SETD2: variants seen among roughly 807,000 people sequenced by gnomAD.
SETD2 encodes the protein SET domain containing 2, histone lysine methyltransferase, also known as histone-lysine N-methyltransferase SETD2.
A neutral mutation model predicts 242.1 loss-of-function variants in SETD2; 31 were observed. That is an observed-to-expected ratio of 0.13 (90% CI 0.10 to 0.17). The LOEUF (loss-of-function observed/expected upper bound fraction) is 0.17. Ranked by LOEUF, SETD2 falls within the 10% of genes least tolerant of loss-of-function variation. SETD2 has a pLI of 1.00. For missense variants in SETD2, 2,481 were observed against 3,046.3 expected, an observed-to-expected ratio of 0.81 and a Z score of 4.37; for synonymous variants, 1,006 against 1,066.5, an observed-to-expected ratio of 0.94 and a Z score of 1.11.
At chr3:47,065,211 T>A (rs2040509778) in intron 13 of SETD2, among the ~76,000 whole-genome samples, 2 of 152,132 alleles carry the variant, frequency 1.3e-5, no homozygotes. Context: ...GAAGAGTTAT[T>A]TGCAGCCCTA....
At chr3:47,135,339 A>C (rs1323731748) in intron 1 of SETD2, among the ~76,000 whole-genome samples, 1 of 152,206 alleles carries the variant, frequency 6.6e-6, no homozygotes, top group African/African-American at 2.4e-5. Flanking sequence ...CAGTGGCACA[A>C]TCTTGGCTCA....
chr3:47,116,100 T>C (rs2042842663), intron 4 of SETD2, among the ~76,000 whole-genome samples: 1 of 152,094 alleles, frequency 6.6e-6, no homozygotes, highest in African/African-American at 2.4e-5. Flanking sequence ...GAGCTCTGAT[T>C]AGGTCTGATT....
intron 16 of SETD2, among the ~76,000 whole-genome samples, chr3:47,043,976 T>C (rs937950668): frequency 6.6e-6 from 1 of 152,174 alleles, no homozygotes; most frequent in African/African-American, 2.4e-5. Context: ...CTTTCTCTTG[T>C]GATCATCATC....
At chr3:47,072,586 C>T (rs2107612579) in intron 12 of SETD2, among the ~76,000 whole-genome samples, 1 of 151,686 alleles carries the variant, frequency 6.6e-6, no homozygotes, top group East Asian at 2.0e-4. Flanking sequence ...TTTGGGAGGC[C>T]AAGGCAGGCA....
At chr3:47,155,778 C>A (rs569029334) in intron 1 of SETD2, among the ~76,000 whole-genome samples, 133 of 152,140 alleles carry the variant, frequency 8.7e-4, no homozygotes, top group Admixed American at 1.4e-3. Context: ...TGCACTCCAG[C>A]CTGGGTGACA....
chr3:47,052,634 TG>T (rs2039895986), intron 15 of SETD2, among the ~76,000 whole-genome samples: 1 of 151,978 alleles, frequency 6.6e-6, no homozygotes, highest in African/African-American at 2.4e-5. Context: ...CTGACCAACA[TG>T]GCGAAACCCT....
chr3:47,150,606 T>C (rs1350659236), intron 1 of SETD2, among the ~76,000 whole-genome samples: 1 of 152,106 alleles, frequency 6.6e-6, no homozygotes, highest in Non-Finnish European at 1.5e-5. Flanking sequence ...AAAAGTGCTA[T>C]GAGCACCAAG....
intron 8 of SETD2, among the ~76,000 whole-genome samples, chr3:47,101,126 C>A (rs1288543596): frequency 6.7e-6 from 1 of 149,594 alleles, no homozygotes; most frequent in Admixed American, 6.7e-5. Flanking sequence ...TGCTGAATAA[C>A]GGATACAGAG....
intron 1 of SETD2, among the ~76,000 whole-genome samples, chr3:47,147,231 T>C (rs2043876407): frequency 6.6e-6 from 1 of 151,914 alleles, no homozygotes; most frequent in South Asian, 2.1e-4. Context: ...CAGGCTGGTC[T>C]CGAATTCCTG....
At chr3:47,067,897 TTG>T (rs778059583) in intron 12 of SETD2, among the ~76,000 whole-genome samples, 11 of 152,204 alleles carry the variant, frequency 7.2e-5, no homozygotes, top group African/African-American at 1.7e-4. Flanking sequence ...TACTTTCACA[TTG>T]TGTTTGTTAT....
At chr3:47,115,296 G>T (rs1422137352) in intron 4 of SETD2, among the ~76,000 whole-genome samples, 1 of 151,982 alleles carries the variant, frequency 6.6e-6, no homozygotes, top group Non-Finnish European at 1.5e-5. Flanking sequence ...ACTACCAAAA[G>T]CTTAAGTGTG....
intron 1 of SETD2, among the ~76,000 whole-genome samples, chr3:47,130,321 G>A (rs982259785): frequency 2.0e-5 from 3 of 152,162 alleles, no homozygotes; most frequent in African/African-American, 4.8e-5. Flanking sequence ...TGGATTTGGT[G>A]GAAACCAGGA....
chr3:47,154,474 G>A (rs2044079561), intron 1 of SETD2, among the ~76,000 whole-genome samples: 2 of 151,866 alleles, frequency 1.3e-5, no homozygotes, highest in Admixed American at 1.3e-4. Flanking sequence ...ACAGAATGTA[G>A]GAAAAAGGCA....
intron 19 of SETD2, among the ~76,000 whole-genome samples, chr3:47,018,511 C>T (rs1445665904): frequency 1.3e-5 from 2 of 152,214 alleles, no homozygotes; most frequent in African/African-American, 4.8e-5. Flanking sequence ...AAGGCTATAT[C>T]ACAAGGTAGG....
At chr3:47,055,807 T>C (rs1366181441) in intron 15 of SETD2, among the ~76,000 whole-genome samples, 1 of 151,368 alleles carries the variant, frequency 6.6e-6, no homozygotes, top group East Asian at 1.9e-4. Flanking sequence ...GGTCAGGAGA[T>C]TGAGACCATC....
chr3:47,138,965 T>C (rs933657728), intron 1 of SETD2, among the ~76,000 whole-genome samples: 3 of 152,210 alleles, frequency 2.0e-5, no homozygotes, highest in African/African-American at 7.2e-5. Flanking sequence ...TCTTTTCTTT[T>C]TTTTGACAGG....
chr3:47,119,538 G>T (rs187519332), intron 3 of SETD2: 1 of 178,090 alleles, frequency 5.6e-6, no homozygotes, highest in Non-Finnish European at 1.2e-5. Flanking sequence ...TGTTATTCTT[G>T]TGATGGTGAT....
rs935586454 is a variant in SETD2 at position 47,123,302 on chromosome 3, C to T, written c.1334G>A (p.Arg445His). 1.9e-6 allele frequency: 3 copies of T among 1,551,606 alleles called. No individual in the cohort carries two copies. Among genetic ancestry groups the T allele is most frequent in the Admixed American group, 3.9e-5 (2 of 50,968 alleles). The change falls in exon 3 of 21, where the codon CGC becomes CAC. Residue 445 changes from arginine (R) to histidine (H), a missense_variant. By Grantham distance (29) the Arg-to-His change is conservative. This residue lies in a region of SETD2 where 1,300 missense variants were observed against 1,259.2 expected (regional missense o/e 1.03). Coordinates refer to ENST00000409792, the MANE Select transcript of SETD2 (RefSeq NM_014159.7). Reference sequence around the variant, plus strand: ...GTTATCTGTGTATGGCCGAGAATAGCGCGTCCTCTCTCGATAAGGGGAGCT... The same window carrying T: ...GTTATCTGTGTATGGCCGAGAATAGTGCGTCCTCTCTCGATAAGGGGAGCT... ...HRSSPYRERTRYSRPYTDNRA... is the reference protein window; with the variant it reads ...HRSSPYRERTHYSRPYTDNRA...
chr3:47,046,903 C>A, intron 15 of SETD2: 1 of 198,524 alleles, frequency 5.0e-6, no homozygotes, highest in Non-Finnish European at 1.0e-5. Flanking sequence ...GTTTAGCTTT[C>A]AATGACATTG....
Sources: allele counts gnomAD v4.1 joint callset (sites outside exome capture counted in the v4.1 genomes callset), GRCh38; gene constraint gnomAD v4.1.1; regional missense constraint gnomAD v4.1.1; transcripts MANE v1.5; gene names NCBI Gene and HGNC (gene_info 2026-07-23, HGNC 2026-07-21).